The following ZNF423 variants were observed in gnomAD, a reference collection of about 807,000 sequenced individuals.
ZNF423 encodes Ebf-associated zinc finger protein.
A neutral mutation model predicts 95.8 loss-of-function variants in ZNF423; 12 were observed. The ratio of observed to expected loss-of-function variants is 0.13; its 90% CI spans 0.08 to 0.20. ZNF423 has a LOEUF of 0.20. Ranked by LOEUF, ZNF423 falls within the 10% of genes least tolerant of loss-of-function variation. The probability of loss-of-function intolerance (pLI) is 1.00; values close to 1 mark genes in which losing one functional copy is unlikely to be tolerated. For missense variants in ZNF423, 1,316 were observed against 1,737.1 expected, an observed-to-expected ratio of 0.76 and a Z score of 4.31; for synonymous variants, 749 against 711.9, an observed-to-expected ratio of 1.05 and a Z score of -0.83.
chr16:49,578,713 G>T (rs1215772984), intron 5 of ZNF423, among the ~76,000 whole-genome samples: 1 of 152,172 alleles, frequency 6.6e-6, no homozygotes, highest in African/African-American at 2.4e-5. Context: ...AAGGGAGGGG[G>T]ACCAGCAGAA....
intron 5 of ZNF423, among the ~76,000 whole-genome samples, chr16:49,531,643 C>T (rs1800350644): frequency 6.6e-6 from 1 of 152,092 alleles, no homozygotes; most frequent in Non-Finnish European, 1.5e-5. Context: ...TCATTAAATG[C>T]CATGAAGAAA....
intron 7 of ZNF423, among the ~76,000 whole-genome samples, chr16:49,517,145 T>C (rs1968179836): frequency 6.6e-6 from 1 of 152,162 alleles, no homozygotes. Context: ...CTTATTTAAG[T>C]GACACTTGGC....
At chr16:49,520,475 G>C (rs1461770681) in intron 7 of ZNF423, among the ~76,000 whole-genome samples, 1 of 152,192 alleles carries the variant, frequency 6.6e-6, no homozygotes, top group African/African-American at 2.4e-5. Context: ...TCATGGTTCA[G>C]TTCTACCTCC....
intron 1 of ZNF423, among the ~76,000 whole-genome samples, chr16:49,802,269 G>A (rs960292103): frequency 7.9e-5 from 12 of 152,020 alleles, no homozygotes; most frequent in African/African-American, 1.2e-4. Context: ...ACTCTGCCCC[G>A]CTCCCATGAT....
chr16:49,700,836 A>G (rs537127542), intron 3 of ZNF423, among the ~76,000 whole-genome samples: 34 of 151,762 alleles, frequency 2.2e-4, no homozygotes, highest in South Asian at 4.2e-4. Flanking sequence ...CCAAGGGGGG[A>G]AAATGTGAGT....
intron 3 of ZNF423, among the ~76,000 whole-genome samples, chr16:49,680,749 A>G (rs2031317446): frequency 6.6e-6 from 1 of 152,200 alleles, no homozygotes; most frequent in Non-Finnish European, 1.5e-5. Flanking sequence ...CACTTGCCTC[A>G]CGGCTCTGCA....
At chr16:49,573,926 T>C (rs1015414837) in intron 5 of ZNF423, among the ~76,000 whole-genome samples, 1 of 152,194 alleles carries the variant, frequency 6.6e-6, no homozygotes, top group Non-Finnish European at 1.5e-5. Flanking sequence ...TGCGTACATG[T>C]GGTGAGCCTG....
At chr16:49,549,244 C>T (rs924257723) in intron 5 of ZNF423, among the ~76,000 whole-genome samples, 15 of 152,140 alleles carry the variant, frequency 9.9e-5, no homozygotes, top group African/African-American at 2.2e-4. Flanking sequence ...GAGATGGTCT[C>T]GGGGCCACCA....
At chr16:49,496,552 G>A (rs1020179510) in intron 7 of ZNF423, among the ~76,000 whole-genome samples, 4 of 152,148 alleles carry the variant, frequency 2.6e-5, no homozygotes, top group Admixed American at 6.5e-5. Flanking sequence ...AGATGGTGGC[G>A]CCTTGCTTCC....
chr16:49,635,568 G>A lies in ZNF423; in HGVS notation c.3516+92C>T, dbSNP rs559355659. On this transcript the variant is annotated intron_variant, in intron 4 of 7. Transcript: ENST00000563137. The surrounding 1 kb of genome is among the most constrained non-coding windows in gnomAD (Gnocchi z 4.8). ...CACTGCGCGATAGCGCCGCTTCTTG[G>A]AAACACGGCACTCAGGGTACGTGGC... The A allele has an allele frequency of 6.8e-7, 1 of 1,465,258 alleles. No individual in the cohort carries two copies. Among genetic ancestry groups the A allele is most frequent in the Non-Finnish European group, 9.1e-7 (1 of 1,103,756 alleles). 90.8% of individuals were successfully genotyped at this position (1,465,258 alleles called of 1,614,324 possible).
intron 1 of ZNF423, among the ~76,000 whole-genome samples, chr16:49,831,272 T>TA (rs2035058152): frequency 1.3e-5 from 2 of 152,332 alleles, no homozygotes; most frequent in African/African-American, 4.8e-5. Flanking sequence ...AAATCTTTCT[T>TA]TATTCATTTT....
intron 7 of ZNF423, among the ~76,000 whole-genome samples, chr16:49,497,847 G>A (rs1411139708): frequency 2.0e-5 from 3 of 152,230 alleles, no homozygotes; most frequent in South Asian, 2.1e-4. Flanking sequence ...GTTGGGTCCC[G>A]TTATTTGTTC....
intron 5 of ZNF423, among the ~76,000 whole-genome samples, chr16:49,551,884 C>T (rs1450041208): frequency 2.6e-5 from 4 of 152,216 alleles, no homozygotes; most frequent in Admixed American, 2.0e-4. Context: ...AAGAGAGTGG[C>T]CTCCCACTTG....
At chr16:49,785,763 T>C (rs918571976) in intron 2 of ZNF423, among the ~76,000 whole-genome samples, 3 of 152,252 alleles carry the variant, frequency 2.0e-5, no homozygotes, top group Non-Finnish European at 4.4e-5. Context: ...GCCACTAGCC[T>C]GCCTTGGGTG....
At chr16:49,795,985 G>A (rs2034493050) in intron 1 of ZNF423, among the ~76,000 whole-genome samples, 1 of 152,152 alleles carries the variant, frequency 6.6e-6, no homozygotes. Flanking sequence ...GGTGGCAGCA[G>A]GTCTAAGACC....
intron 5 of ZNF423, among the ~76,000 whole-genome samples, chr16:49,558,652 A>C (rs1175577137): frequency 1.6e-4 from 25 of 152,162 alleles, no homozygotes; most frequent in Admixed American, 1.6e-3. Context: ...ACACACACCC[A>C]CACACACGCA....
At chr16:49,765,217 T>C (rs987024566) in intron 2 of ZNF423, among the ~76,000 whole-genome samples, 3 of 152,018 alleles carry the variant, frequency 2.0e-5, no homozygotes, top group Admixed American at 6.6e-5. Context: ...AGTAGAACAG[T>C]GTTTGCCAGG....
intron 1 of ZNF423, among the ~76,000 whole-genome samples, chr16:49,804,987 C>A (rs553615289): frequency 9.9e-5 from 15 of 151,084 alleles, no homozygotes; most frequent in Admixed American, 6.0e-4. Context: ...GCAACCTCCA[C>A]CTCCTGGGTT....
At chr16:49,853,261 A>G (rs1478990615) in intron 1 of ZNF423, among the ~76,000 whole-genome samples, 2 of 133,710 alleles carry the variant, frequency 1.5e-5, no homozygotes, top group Non-Finnish European at 1.6e-5. Flanking sequence ...TCCACACTCA[A>G]GCACACACTT....
Sources: gnomAD v4.1 joint callset for allele counts (sites outside exome capture counted in the v4.1 genomes callset) on GRCh38, gnomAD v4.1.1 for gene constraint, Gnocchi (gnomAD v3.1) non-coding constraint, MANE v1.5 for transcripts, NCBI Gene and HGNC (gene_info 2026-07-23, HGNC 2026-07-21) for gene names.